BPTF: variants seen among roughly 807,000 people sequenced by gnomAD.
The protein encoded by BPTF is nucleosome-remodeling factor subunit BPTF.
Under a neutral mutation model 292.5 loss-of-function variants are expected in BPTF, and 18 were observed. The ratio of observed to expected loss-of-function variants is 0.06; its 90% CI spans 0.04 to 0.09. BPTF has a LOEUF of 0.09. Among genes scored for constraint, BPTF ranks in the 10% least tolerant of loss-of-function variants. The pLI, the probability that BPTF is intolerant of heterozygous loss-of-function variation, is 1.00. For synonymous variants in BPTF, 1,225 were observed against 1,251.9 expected (o/e 0.98, Z 0.45); for missense variants, 2,726 against 3,498.7 (o/e 0.78, Z 5.57).
intron 18 of BPTF, among the ~76,000 whole-genome samples, chr17:67,938,623 G>T (rs1015942599): frequency 2.0e-5 from 3 of 152,114 alleles, no homozygotes; most frequent in African/African-American, 7.2e-5. Flanking sequence ...CTTATAGTTT[G>T]GGGGGAAAAT....
At chr17:67,924,692 C>T in intron 15 of BPTF, 103 bp downstream of exon 15, 2 of 1,289,506 alleles carry the variant, frequency 1.6e-6, no homozygotes, top group Non-Finnish European at 1.1e-6. Context: ...GGTGCTGGTC[C>T]CACTTGACAA....
intron 2 of BPTF, among the ~76,000 whole-genome samples, chr17:67,861,088 C>T (rs1035820652): frequency 1.8e-4 from 28 of 152,162 alleles, no homozygotes; most frequent in African/African-American, 6.8e-4. Flanking sequence ...TCATCGTTTC[C>T]CCCCATTACC....
intron 9 of BPTF, among the ~76,000 whole-genome samples, chr17:67,907,668 T>G (rs1022949633): frequency 8.5e-5 from 13 of 152,132 alleles, no homozygotes; most frequent in African/African-American, 2.9e-4. Context: ...ATTTTATCAC[T>G]CTTTGTTTAG....
intron 18 of BPTF, among the ~76,000 whole-genome samples, chr17:67,938,899 G>T (rs1374861797): frequency 6.6e-6 from 1 of 152,182 alleles, no homozygotes; most frequent in East Asian, 1.9e-4. Flanking sequence ...GAAGAACAAT[G>T]ACTTAAAACA....
chr17:67,960,364 T>C (rs2148314343), intron 24 of BPTF: 1 of 152,316 alleles, frequency 6.6e-6, no homozygotes, highest in Non-Finnish European at 1.5e-5. Flanking sequence ...TGTATTAAAA[T>C]ACTGCAACTC....
chr17:67,911,511 A>G lies in BPTF; in HGVS notation c.3627A>G (p.Lys1209=), dbSNP rs1285136306. The change falls in exon 11 of 28, where the codon AAA becomes AAG. Residue 1209 remains lysine, a synonymous_variant. Coordinates refer to ENST00000306378, the MANE Select transcript of BPTF (RefSeq NM_182641.4). ...AGGAACCCAGTAAGAGTAAAACAAA[A>G]GGAAATGATTTTTTCATCGATGACT... ...RGQEPSKSKT[K]GNDFFIDDSK... is the part of the protein sequence containing the mutation. 6.2e-7 allele frequency: 1 copy of G among 1,613,446 alleles called. No individual in the cohort carries two copies. Among genetic ancestry groups the G allele is most frequent in the Non-Finnish European group, 8.5e-7 (1 of 1,179,898 alleles).
chr17:67,927,106 A>G (rs914882925), intron 15 of BPTF, among the ~76,000 whole-genome samples: 3 of 152,234 alleles, frequency 2.0e-5, no homozygotes, highest in African/African-American at 7.2e-5. Context: ...AGGCTCACCT[A>G]TGTCAAAGGC....
At position 67,891,924 on chromosome 17, in the gene BPTF, C is replaced by G. The variant is rs1364777438; in HGVS notation, c.1945C>G (p.Arg649Gly). The G allele has an allele frequency of 2.5e-6, 4 of 1,612,732 alleles. No homozygotes were observed. Among genetic ancestry groups the G allele is most frequent in the South Asian group, 2.2e-5 (2 of 90,758 alleles). Residue 649 changes from arginine (R) to glycine (G), a missense_variant, in exon 5 of 28, where the codon CGA becomes GGA. Around this residue, in one of 22 missense-constraint regions of BPTF, gnomAD observed 187 missense variants for 201.5 expected, o/e 0.93. Transcript: ENST00000306378. ...GAGKGASGST[R>G]IITRLRNPDS... ...TGGAAAAGGAGCATCTGGCTCAACT[C>G]GAATCATCACCAGATTGCGGAATCC...
intron 1 of BPTF, among the ~76,000 whole-genome samples, chr17:67,827,438 G>A (rs181337874): frequency 6.6e-6 from 1 of 152,204 alleles, no homozygotes; most frequent in East Asian, 1.9e-4. Flanking sequence ...AGGCTGCTTT[G>A]TACATAGTCA....
intron 13 of BPTF, 73 bp downstream of exon 13, chr17:67,920,216 AT>A (rs1237834028): frequency 2.7e-6 from 4 of 1,509,074 alleles, no homozygotes; most frequent in East Asian, 2.3e-5. Flanking sequence ...ATTTGATATA[AT>A]TTTTTCTTCT....
Position 67,892,050 on chromosome 17 carries a change from T to G in BPTF, c.2055+16T>G. 3 of 1,510,032 alleles carry G rather than the reference T, an allele frequency of 2.0e-6. No homozygotes were observed. Among genetic ancestry groups the G allele is most frequent in the Non-Finnish European group, 2.7e-6 (3 of 1,125,748 alleles). 93.5% of individuals were successfully genotyped at this position (1,510,032 alleles called of 1,614,324 possible). On this transcript the variant is annotated intron_variant, in intron 5 of 27. Transcript: ENST00000306378. ...GGGCAAAGAGGTGTGTTCTTTCTGTTTAAAACAAAAATCTGTGGAATGTGA... is the reference window on the plus strand; with the variant it reads ...GGGCAAAGAGGTGTGTTCTTTCTGTGTAAAACAAAAATCTGTGGAATGTGA...
chr17:67,888,589 CA>C (rs776548348), intron 4 of BPTF, among the ~76,000 whole-genome samples: 5,651 of 63,564 alleles, frequency 0.089, 179 homozygotes, highest in African/African-American at 0.25. Context: ...GACTCCGTCT[CA>C]AAAAAAAAAA....
In BPTF at chr17:67,896,169, A is replaced by G. The variant is rs554399647; in HGVS notation, c.2543+2004A>G. 3.0e-3 allele frequency among the ~76,000 whole-genome samples: 461 copies of G among 152,190 alleles called. 4 individuals carry two copies. Among genetic ancestry groups the G allele is most frequent in the Admixed American group, 2.4e-3 (37 of 15,278 alleles). ...AGTAGAGATGGGGTTTCACCGTGTT[A>G]GCCAGGATGGTCTCCATCTCCTGAC... On this transcript the variant is annotated intron_variant, in intron 7 of 27. Transcript: ENST00000306378.
intron 1 of BPTF, among the ~76,000 whole-genome samples, chr17:67,849,981 C>T (rs190030646): frequency 7.2e-5 from 11 of 152,164 alleles, no homozygotes; most frequent in African/African-American, 2.4e-4. Flanking sequence ...TATTCTAGGC[C>T]TATTGAATCA....
chr17:67,875,505 G>A, intron 4 of BPTF: 2 of 1,387,260 alleles, frequency 1.4e-6, no homozygotes, highest in South Asian at 1.9e-5. Context: ...CATTTGCCCT[G>A]AAGCAATTTT....
intron 27 of BPTF, among the ~76,000 whole-genome samples, chr17:67,976,792 C>T (rs1394326470): frequency 6.6e-6 from 1 of 150,994 alleles, no homozygotes; most frequent in African/African-American, 2.4e-5. Flanking sequence ...TTCCTTCACT[C>T]AGCAAATAAC....
chr17:67,973,299 G>A (rs1295320977), intron 26 of BPTF, among the ~76,000 whole-genome samples: 3 of 150,182 alleles, frequency 2.0e-5, no homozygotes, highest in Non-Finnish European at 3.0e-5. Context: ...GCCTGAACCC[G>A]GGAGGTGGAG....
At chr17:67,841,764 C>T (rs1011665070) in intron 1 of BPTF, among the ~76,000 whole-genome samples, 7 of 152,010 alleles carry the variant, frequency 4.6e-5, no homozygotes, top group African/African-American at 1.7e-4. Context: ...CTGACAGCCT[C>T]TTTTAATTAA....
intron 27 of BPTF, among the ~76,000 whole-genome samples, chr17:67,980,301 T>C (rs1555696166): frequency 6.6e-6 from 1 of 151,338 alleles, no homozygotes; most frequent in African/African-American, 2.4e-5. Flanking sequence ...GCTGAGATCC[T>C]GCCACTGCAC....
Sources: gnomAD v4.1 joint callset for allele counts (sites outside exome capture counted in the v4.1 genomes callset) on GRCh38, gnomAD v4.1.1 for gene constraint, gnomAD v4.1.1 regional missense constraint, MANE v1.5 for transcripts, NCBI Gene and HGNC (gene_info 2026-07-23, HGNC 2026-07-21) for gene names.